The following EYA1 variants were observed in gnomAD, a reference collection of about 807,000 sequenced individuals.
The protein encoded by EYA1 is protein phosphatase EYA1.
Under a neutral mutation model 82.0 loss-of-function variants are expected in EYA1, and 16 were observed. The observed-to-expected ratio is 0.20, with a 90% CI of 0.13 to 0.30. The LOEUF (loss-of-function observed/expected upper bound fraction) is 0.30, where lower values mean the gene tolerates loss of function less well. EYA1 is among the 10% of genes least tolerant of loss of function. The pLI, the probability that EYA1 is intolerant of heterozygous loss-of-function variation, is 1.00. For missense variants in EYA1, 633 were observed against 730.7 expected (o/e 0.87, Z 1.54); for synonymous variants, 261 against 264.4 (o/e 0.99, Z 0.12).
At chr8:71,388,827 GAATTA>G (rs2129107329) in intron 2 of EYA1, among the ~76,000 whole-genome samples, 1 of 152,142 alleles carries the variant, frequency 6.6e-6, no homozygotes, top group African/African-American at 2.4e-5. Flanking sequence ...AAAATGAATT[GAATTA>G]GACATATAAA....
chr8:71,206,543 TCA>T (rs1368246113), intron 17 of EYA1, among the ~76,000 whole-genome samples: 2 of 151,912 alleles, frequency 1.3e-5, no homozygotes, highest in Non-Finnish European at 1.5e-5. Flanking sequence ...TCACTAAATC[TCA>T]CAGTCAGAGG....
At chr8:71,339,411 T>C (rs1824866593) in intron 3 of EYA1, among the ~76,000 whole-genome samples, 1 of 152,176 alleles carries the variant, frequency 6.6e-6, no homozygotes, top group South Asian at 2.1e-4. Context: ...GTCCACTTCA[T>C]TGTATTCTGT....
rs191935414 is a variant in EYA1, at chr8:71,339,407, T to A, written c.125-5233A>T. Among the ~76,000 whole-genome samples, 829 of 152,304 alleles carry A rather than the reference T, an allele frequency of 5.4e-3. 2 individuals carry two copies. Among genetic ancestry groups the A allele is most frequent in the Non-Finnish European group, 8.7e-3 (594 of 68,028 alleles). On this transcript the variant is annotated intron_variant, in intron 3 of 17. Coordinates refer to ENST00000340726, the MANE Select transcript of EYA1 (RefSeq NM_000503.6). ...TGCCATACATGCTGGCCAAGTCCACTTCATTGTATTCTGTCTTTATTCTTT... is the reference window on the plus strand; with the variant it reads ...TGCCATACATGCTGGCCAAGTCCACATCATTGTATTCTGTCTTTATTCTTT...
chr8:71,248,522 C>G (rs1343729273), intron 11 of EYA1, among the ~76,000 whole-genome samples: 1 of 152,148 alleles, frequency 6.6e-6, no homozygotes, highest in Non-Finnish European at 1.5e-5. Flanking sequence ...AGGCAGAGCT[C>G]TAGAAAACAC....
chr8:71,363,476 TAGTACC>T (rs1827562164), upstream of EYA1, among the ~76,000 whole-genome samples: 1 of 152,114 alleles, frequency 6.6e-6, no homozygotes, highest in Non-Finnish European at 1.5e-5. Context: ...TCATTTTGTA[TAGTACC>T]AGCAAGGAAT....
chr8:71,381,374 G>A (rs1373279058), intron 2 of EYA1, among the ~76,000 whole-genome samples: 1 of 152,196 alleles, frequency 6.6e-6, no homozygotes, highest in Admixed American at 6.5e-5. Flanking sequence ...TGCCCTGTCA[G>A]TCTCTGCATT....
rs1326351980 is a variant in EYA1 at position 71,304,754 on chromosome 8, G to T, written c.557-5034C>A. Among the ~76,000 whole-genome samples the T allele has an allele frequency of 2.8e-5, 4 of 142,874 alleles. 1 individual carries two copies. Among genetic ancestry groups the T allele is most frequent in the Non-Finnish European group, 6.4e-5 (4 of 62,824 alleles). The allele number at this position is 142,874 out of a possible 152,430, so 93.7% of individuals were successfully genotyped here. A position where few individuals can be genotyped will look rare whatever the true frequency, so the allele number is the denominator to read the frequency against. On this transcript the variant is annotated intron_variant, in intron 7 of 17. Transcript: ENST00000340726. ...GAAGCTTCTCAGAGCCTATCTGTGT[G>T]GGGTATTTCTGGTTCTTGAGCTGAG...
intron 2 of EYA1, among the ~76,000 whole-genome samples, chr8:71,428,202 G>A (rs147934409): frequency 2.2e-4 from 34 of 152,146 alleles, no homozygotes; most frequent in Non-Finnish European, 3.5e-4. Flanking sequence ...TATTTTGTTC[G>A]GGGGAGAAGT....
upstream of EYA1, among the ~76,000 whole-genome samples, chr8:71,363,643 G>C (rs1161704385): frequency 6.6e-6 from 1 of 152,084 alleles, no homozygotes; most frequent in Non-Finnish European, 1.5e-5. Flanking sequence ...ATATACTAAA[G>C]TATATATGCA....
intron 2 of EYA1, among the ~76,000 whole-genome samples, chr8:71,469,053 C>T (rs1394275827): frequency 6.6e-6 from 1 of 151,918 alleles, no homozygotes; most frequent in Non-Finnish European, 1.5e-5. Flanking sequence ...GAGCTTGGAA[C>T]TTAGTATCTG....
chr8:71,356,302 T>C (rs1563524974), intron 2 of EYA1, among the ~76,000 whole-genome samples, 160 bp downstream of exon 2: 1 of 152,186 alleles, frequency 6.6e-6, no homozygotes, highest in Non-Finnish European at 1.5e-5. Context: ...CCTTTCTACA[T>C]ACTTAAAATG....
chr8:71,477,478 A>G (rs1809751353), intron 2 of EYA1, among the ~76,000 whole-genome samples: 1 of 152,052 alleles, frequency 6.6e-6, no homozygotes, highest in African/African-American at 2.4e-5. Flanking sequence ...ATCATTAGTC[A>G]CTAGGGAAAT....
At chr8:71,443,990 T>C (rs538215334) in intron 2 of EYA1, among the ~76,000 whole-genome samples, 1 of 152,328 alleles carries the variant, frequency 6.6e-6, no homozygotes, top group Non-Finnish European at 1.5e-5. Context: ...GTCAAAATCT[T>C]CTGTGATCTG....
intron 2 of EYA1, among the ~76,000 whole-genome samples, chr8:71,456,662 G>C (rs1807947095): frequency 1.3e-5 from 2 of 152,008 alleles, no homozygotes; most frequent in African/African-American, 4.8e-5. Context: ...AATGGGGAAA[G>C]GATTCCCTAT....
chr8:71,228,155 A>G (rs962789539), intron 12 of EYA1, among the ~76,000 whole-genome samples: 2 of 151,956 alleles, frequency 1.3e-5, no homozygotes, highest in African/African-American at 4.8e-5. Flanking sequence ...TTCCATCATC[A>G]CCTCCCTCAC....
intron 17 of EYA1, among the ~76,000 whole-genome samples, chr8:71,203,764 A>C (rs1404686846): frequency 6.6e-6 from 1 of 152,232 alleles, no homozygotes; most frequent in Non-Finnish European, 1.5e-5. Flanking sequence ...GCAGTCGGGA[A>C]GGATGGACCA....
intron 2 of EYA1, among the ~76,000 whole-genome samples, chr8:71,438,979 G>C (rs963491900): frequency 2.6e-5 from 4 of 152,068 alleles, no homozygotes; most frequent in Non-Finnish European, 4.4e-5. Flanking sequence ...AACTCAAGTA[G>C]TCAGGTTACA....
intron 2 of EYA1, among the ~76,000 whole-genome samples, chr8:71,397,600 A>C (rs1053299144): frequency 6.6e-6 from 1 of 152,198 alleles, no homozygotes; most frequent in Non-Finnish European, 1.5e-5. Context: ...TTTCTTTAAG[A>C]ATGTTGAATA....
intron 2 of EYA1, among the ~76,000 whole-genome samples, chr8:71,380,305 C>G (rs901234205): frequency 1.3e-5 from 2 of 152,168 alleles, no homozygotes; most frequent in African/African-American, 4.8e-5. Context: ...CTCTTGCTAC[C>G]AGGTGAATGG....
Sources: allele counts gnomAD v4.1 joint callset (sites outside exome capture counted in the v4.1 genomes callset), GRCh38; gene constraint gnomAD v4.1.1; transcripts MANE v1.5; gene names NCBI Gene and HGNC (gene_info 2026-07-23, HGNC 2026-07-21).